Variants in STX8 observed in about 807,000 individuals in gnomAD.
STX8 encodes syntaxin 8.
A neutral mutation model predicts 37.5 loss-of-function variants in STX8; 23 were observed. That is an observed-to-expected ratio of 0.61 (90% CI 0.44 to 0.87). The LOEUF is 0.87. STX8 is among the 40% of genes least tolerant of loss of function. The probability of loss-of-function intolerance (pLI) is 0.00; values close to 1 mark genes in which losing one functional copy is unlikely to be tolerated. For synonymous variants in STX8, 115 were observed against 99.1 expected, an observed-to-expected ratio of 1.16 and a Z score of -0.95; for missense variants, 313 against 284.7, an observed-to-expected ratio of 1.10 and a Z score of -0.71.
chr17:9,410,147 C>T (rs1412142815), intron 6 of STX8, among the ~76,000 whole-genome samples: 1 of 152,226 alleles, frequency 6.6e-6, no homozygotes, highest in African/African-American at 2.4e-5. Context: ...CACTCTGTTT[C>T]ATGCTTGCAT....
intron 6 of STX8, among the ~76,000 whole-genome samples, chr17:9,474,087 T>G (rs1301650874): frequency 1.3e-5 from 2 of 152,110 alleles, no homozygotes; most frequent in Non-Finnish European, 2.9e-5. Context: ...TGAACAAGGT[T>G]CAGGGAGCTG....
At chr17:9,331,346 A>G (rs987788705) in intron 7 of STX8, among the ~76,000 whole-genome samples, 1 of 151,958 alleles carries the variant, frequency 6.6e-6, no homozygotes, top group Non-Finnish European at 1.5e-5. Flanking sequence ...TAGCCCCAGA[A>G]ACCCTCTCTC....
At chr17:9,421,592 G>A (rs551180902) in intron 6 of STX8, among the ~76,000 whole-genome samples, 1 of 151,300 alleles carries the variant, frequency 6.6e-6, no homozygotes, top group East Asian at 1.9e-4. Context: ...TTTTATTGAG[G>A]TGAAATTCAG....
At chr17:9,561,219 A>T (rs975935699) in intron 2 of STX8, among the ~76,000 whole-genome samples, 1 of 152,198 alleles carries the variant, frequency 6.6e-6, no homozygotes, top group Non-Finnish European at 1.5e-5. Flanking sequence ...ACCAACAAAC[A>T]TGCTGATAAT....
chr17:9,454,292 T>C (rs1905124807), intron 6 of STX8, among the ~76,000 whole-genome samples: 1 of 152,182 alleles, frequency 6.6e-6, no homozygotes, highest in African/African-American at 2.4e-5. Context: ...ATGGAGATGC[T>C]GGACACAGGG....
At chr17:9,279,622 C>A (rs2142150134) in intron 7 of STX8, among the ~76,000 whole-genome samples, 1 of 152,296 alleles carries the variant, frequency 6.6e-6, no homozygotes, top group East Asian at 1.9e-4. Context: ...CTTTCACAGC[C>A]AGGTGCCCAG....
chr17:9,418,508 C>T (rs1028484884), intron 6 of STX8, among the ~76,000 whole-genome samples: 10 of 137,758 alleles, frequency 7.3e-5, no homozygotes, highest in Admixed American at 8.0e-5. Flanking sequence ...ATGTTCTTTC[C>T]GTTTTTCTAA....
At chr17:9,480,063 AC>A (rs1906258123) in intron 6 of STX8, among the ~76,000 whole-genome samples, 1 of 152,136 alleles carries the variant, frequency 6.6e-6, no homozygotes, top group South Asian at 2.1e-4. Context: ...GGCTTTTCTA[AC>A]CCTCAAACCA....
At chr17:9,268,913 T>G (rs147982840) in intron 7 of STX8, among the ~76,000 whole-genome samples, 1 of 152,094 alleles carries the variant, frequency 6.6e-6, no homozygotes, top group Admixed American at 6.5e-5. Flanking sequence ...CCAGGCCGGG[T>G]GCAGTGGCTC....
chr17:9,339,739 A>C (rs565035274), intron 7 of STX8, among the ~76,000 whole-genome samples: 1 of 152,286 alleles, frequency 6.6e-6, no homozygotes, highest in Admixed American at 6.5e-5. Context: ...TCTTTATGAG[A>C]CAGGAATGTG....
chr17:9,393,378 C>T (rs928789350), intron 6 of STX8, among the ~76,000 whole-genome samples: 12 of 152,118 alleles, frequency 7.9e-5, no homozygotes, highest in East Asian at 1.9e-4. Flanking sequence ...AGAAGAAAAA[C>T]GATACCAGTA....
At chr17:9,274,475 G>C (rs1010591732) in intron 7 of STX8, among the ~76,000 whole-genome samples, 1 of 151,776 alleles carries the variant, frequency 6.6e-6, no homozygotes, top group African/African-American at 2.4e-5. Context: ...AGGAGATCGA[G>C]ACCATCCTGG....
chr17:9,308,498 G>T (rs201400717), intron 7 of STX8, among the ~76,000 whole-genome samples: 1 of 152,146 alleles, frequency 6.6e-6, no homozygotes, highest in Non-Finnish European at 1.5e-5. Context: ...GCCGAGGTGG[G>T]TGGATCATGA....
chr17:9,299,094 G>A (rs1395784951), intron 7 of STX8, among the ~76,000 whole-genome samples: 1 of 152,126 alleles, frequency 6.6e-6, no homozygotes, highest in Non-Finnish European at 1.5e-5. Context: ...TGGCCTAGGA[G>A]TTTGCAGTCT....
At chr17:9,319,810 G>A (rs1213455465) in intron 7 of STX8, among the ~76,000 whole-genome samples, 1 of 151,152 alleles carries the variant, frequency 6.6e-6, no homozygotes, top group Non-Finnish European at 1.5e-5. Context: ...AATTAGCCAG[G>A]CCTGGTGTCA....
chr17:9,284,838 T>C (rs551027246), intron 7 of STX8, among the ~76,000 whole-genome samples: 1 of 152,314 alleles, frequency 6.6e-6, no homozygotes, highest in South Asian at 2.1e-4. Flanking sequence ...GTTTCTGACT[T>C]GACTTTCTAG....
intron 7 of STX8, among the ~76,000 whole-genome samples, chr17:9,259,434 C>T (rs1349789448): frequency 6.6e-6 from 1 of 152,172 alleles, no homozygotes; most frequent in Non-Finnish European, 1.5e-5. Context: ...TCACTCTCTC[C>T]AAAAGAGAAG....
chr17:9,322,850 C>A (rs564302464), intron 7 of STX8, among the ~76,000 whole-genome samples: 14 of 142,224 alleles, frequency 9.8e-5, no homozygotes, highest in African/African-American at 2.6e-4. Flanking sequence ...AGAGGCAAAA[C>A]CCTCATTTGA....
At chr17:9,309,122 AC>A in intron 7 of STX8, among the ~76,000 whole-genome samples, 1 of 152,256 alleles carries the variant, frequency 6.6e-6, no homozygotes, top group African/African-American at 2.4e-5. Context: ...GAAAACAAGA[AC>A]CTTCCCCATT....
Sources: allele counts gnomAD v4.1 joint callset (sites outside exome capture counted in the v4.1 genomes callset), GRCh38; gene constraint gnomAD v4.1.1; transcripts MANE v1.5; gene names NCBI Gene and HGNC (gene_info 2026-07-23, HGNC 2026-07-21).